The following LRRN3 variants were observed in gnomAD, a reference collection of about 807,000 sequenced individuals.
The protein encoded by LRRN3 is leucine rich repeat neuronal 3.
A neutral mutation model predicts 40.1 loss-of-function variants in LRRN3; 15 were observed. The ratio of observed to expected loss-of-function variants is 0.37; its 90% CI spans 0.25 to 0.58. The LOEUF (loss-of-function observed/expected upper bound fraction) is 0.58. Among genes scored for constraint, LRRN3 ranks in the 20% least tolerant of loss-of-function variants. LRRN3 has a pLI of 0.72. For missense variants in LRRN3, 746 were observed against 837.7 expected, an observed-to-expected ratio of 0.89 and a Z score of 1.35; for synonymous variants, 308 against 297.2, an observed-to-expected ratio of 1.04 and a Z score of -0.37.
At chr7:111,113,406 T>C (rs214877) in intron 2 of LRRN3, among the ~76,000 whole-genome samples, 14,775 of 152,146 alleles carry the variant, frequency 0.097, 1,686 homozygotes, top group African/African-American at 0.28. Flanking sequence ...TGTATACATG[T>C]CTATCATGTC....
chr7:111,100,130 C>CT (rs1033359748), intron 2 of LRRN3, among the ~76,000 whole-genome samples, 168 bp downstream of exon 2: 2 of 151,296 alleles, frequency 1.3e-5, no homozygotes, highest in Non-Finnish European at 3.0e-5. Flanking sequence ...GCATGTATTT[C>CT]TTTTTTTTAA....
intron 2 of LRRN3, among the ~76,000 whole-genome samples, chr7:111,107,854 A>G (rs1008269882): frequency 6.6e-6 from 1 of 151,998 alleles, no homozygotes; most frequent in Non-Finnish European, 1.5e-5. Flanking sequence ...AATATTATAG[A>G]CTCTAGCATG....
intron 2 of LRRN3, among the ~76,000 whole-genome samples, chr7:111,101,974 T>C (rs1388632240): frequency 6.6e-6 from 1 of 151,408 alleles, no homozygotes; most frequent in Admixed American, 6.6e-5. Context: ...TCATGAACTC[T>C]AATTTTCATA....
chr7:111,103,827 A>C (rs1798244898), intron 2 of LRRN3, among the ~76,000 whole-genome samples: 1 of 151,618 alleles, frequency 6.6e-6, no homozygotes, highest in Non-Finnish European at 1.5e-5. Context: ...CTCACCTTTC[A>C]GTAGATGAGG....
chr7:111,124,808 C>G lies in LRRN3; in HGVS notation c.2036C>G (p.Pro679Arg). The G allele has an allele frequency of 6.2e-7, 1 of 1,612,674 alleles. No individual in the cohort carries two copies. The highest frequency in any genetic ancestry group is 8.5e-7 in the Non-Finnish European group (1 of 1,179,496). ...TTTGCATTAGGTGAGCTTTATCCTCCTCTGATAAATCTCTGGGAAGCAGGA... is the reference window on the plus strand; with the variant it reads ...TTTGCATTAGGTGAGCTTTATCCTCGTCTGATAAATCTCTGGGAAGCAGGA... Reference protein sequence around the residue: ...PTFALGELYPPLINLWEAGKE... With the variant: ...PTFALGELYPRLINLWEAGKE... The change falls in exon 3 of 3, where the codon CCT becomes CGT. Residue 679 changes from proline (P) to arginine (R), a missense_variant. Transcript: ENST00000308478.
In LRRN3 at chr7:111,124,495, G is replaced by A. The variant is rs753611988; in HGVS notation, c.1723G>A (p.Val575Ile). ...AAQSARIPSD[V>I]KVYNLTHLNP... The stretch of plus-strand genomic sequence containing the variant: ...GCAAAGTGCTCGAATACCATCTGAT[G>A]TCAAGGTATATAATCTTACTCATCT... Residue 575 changes from valine to isoleucine, a missense_variant, in exon 3 of 3, where the codon GTC (valine) becomes ATC (isoleucine). By Grantham distance (29) the Val-to-Ile change is conservative. Transcript: ENST00000308478. The A allele has an allele frequency of 2.5e-6, 4 of 1,613,908 alleles. No homozygotes were observed. Among genetic ancestry groups the A allele is most frequent in the Middle Eastern group, 3.3e-4 (2 of 6,058 alleles).
At chr7:111,115,685 TAGAC>T (rs1241165571) in intron 2 of LRRN3, among the ~76,000 whole-genome samples, 6 of 151,962 alleles carry the variant, frequency 3.9e-5, no homozygotes, top group Non-Finnish European at 7.4e-5. Context: ...ATATATTTCT[TAGAC>T]AGACTCACAC....
chr7:111,107,223 T>C (rs1798649227), intron 2 of LRRN3, among the ~76,000 whole-genome samples: 1 of 151,924 alleles, frequency 6.6e-6, no homozygotes, highest in Admixed American at 6.6e-5. Context: ...CCTCTCCCAT[T>C]TTTACTTTCT....
chr7:111,118,801 C>T (rs1800221725), intron 2 of LRRN3, among the ~76,000 whole-genome samples: 1 of 152,040 alleles, frequency 6.6e-6, no homozygotes, highest in Non-Finnish European at 1.5e-5. Flanking sequence ...TCTATATTCT[C>T]TATTGTGTTT....
chr7:111,097,053 G>A (rs1165583602), intron 1 of LRRN3: 1 of 151,846 alleles, frequency 6.6e-6, no homozygotes, highest in Non-Finnish European at 1.5e-5. Flanking sequence ...CAGATAATCA[G>A]CTACTCTATT....
At chr7:111,093,703 C>T (rs567293694) in intron 1 of LRRN3, among the ~76,000 whole-genome samples, 3 of 152,130 alleles carry the variant, frequency 2.0e-5, no homozygotes, top group Non-Finnish European at 2.9e-5. Flanking sequence ...TCCAGGCCCC[C>T]GGTGTTGCCA....
intron 2 of LRRN3, among the ~76,000 whole-genome samples, chr7:111,109,234 A>G: frequency 6.6e-6 from 1 of 152,124 alleles, no homozygotes; most frequent in Non-Finnish European, 1.5e-5. Context: ...TACATGATAA[A>G]CCATTAACTT....
At chr7:111,108,500 A>G (rs991770915) in intron 2 of LRRN3, among the ~76,000 whole-genome samples, 1 of 152,170 alleles carries the variant, frequency 6.6e-6, no homozygotes, top group Non-Finnish European at 1.5e-5. Flanking sequence ...ATTGAAAACT[A>G]TATCTCAAGT....
intron 2 of LRRN3, among the ~76,000 whole-genome samples, chr7:111,109,944 A>T (rs1799004204): frequency 6.6e-6 from 1 of 152,098 alleles, no homozygotes; most frequent in Non-Finnish European, 1.5e-5. Context: ...GACCGGCCTG[A>T]TCAATATGGT....
At chr7:111,117,179 T>C (rs1294176355) in intron 2 of LRRN3, among the ~76,000 whole-genome samples, 1 of 152,130 alleles carries the variant, frequency 6.6e-6, no homozygotes, top group South Asian at 2.1e-4. Context: ...TATAAACTTG[T>C]AATCAATTAA....
chr7:111,093,181 TAAG>T (rs1336941826), intron 1 of LRRN3, among the ~76,000 whole-genome samples: 1 of 152,152 alleles, frequency 6.6e-6, no homozygotes, highest in Admixed American at 6.6e-5. Flanking sequence ...TGAACAAGTT[TAAG>T]AAGAGGGTTC....
chr7:111,094,639 T>C (rs1381453652), intron 1 of LRRN3, among the ~76,000 whole-genome samples: 1 of 152,138 alleles, frequency 6.6e-6, no homozygotes, highest in Non-Finnish European at 1.5e-5. Flanking sequence ...AATGAGTACT[T>C]AGGAAAGCTT....
At position 111,095,123 on chromosome 7, in the gene LRRN3, CA is replaced by C. The variant is rs1205095972; in HGVS notation, c.-441+3620del. Among the ~76,000 whole-genome samples the C allele has an allele frequency of 3.3e-5, 5 of 152,066 alleles. No individual in the cohort carries two copies. In the East Asian group the frequency reaches 9.7e-4, roughly 29 times the overall value. On this transcript the variant is annotated intron_variant, in intron 1 of 2. Transcript: ENST00000308478. ...TGGTGCCATTAATAAAAACACATGA[CA>C]CAGCTTCAGGAGACGGGGAATAAAG...
In LRRN3 at chr7:111,122,620, A is replaced by C; in HGVS notation, c.-153A>C. The C allele has an allele frequency of 1.6e-6, 1 of 622,488 alleles. No individual in the cohort carries two copies. The highest frequency in any genetic ancestry group is 2.8e-6 in the Non-Finnish European group (1 of 351,468). The allele number at this position is 622,488 out of a possible 1,614,324, so 38.6% of individuals were successfully genotyped here. On this transcript the variant is annotated 5_prime_UTR_variant, in exon 3 of 3. Transcript: ENST00000308478. Reference sequence around the variant, plus strand: ...TGGACAATGCAATTGTGGCACTGGCACTTATTTCAGTGAAGAAAAACTTTG... The same window carrying C: ...TGGACAATGCAATTGTGGCACTGGCCCTTATTTCAGTGAAGAAAAACTTTG...
Sources: allele counts gnomAD v4.1 joint callset (sites outside exome capture counted in the v4.1 genomes callset), GRCh38; gene constraint gnomAD v4.1.1; transcripts MANE v1.5; gene names NCBI Gene and HGNC (gene_info 2026-07-23, HGNC 2026-07-21).